CYREN: variants seen among roughly 807,000 people sequenced by gnomAD.
CYREN encodes the protein cell cycle regulator of non-homologous end joining.
A neutral mutation model predicts 9.7 loss-of-function variants in CYREN; 7 were observed. The observed-to-expected ratio is 0.72, with a 90% CI of 0.41 to 1.36. The LOEUF is 1.36. Among genes scored for constraint, CYREN ranks in the 40% most tolerant of loss-of-function variants. The pLI is 0.01. For missense variants in CYREN, 215 were observed against 198.1 expected, an observed-to-expected ratio of 1.09 and a Z score of -0.51; for synonymous variants, 76 against 77.9, an observed-to-expected ratio of 0.98 and a Z score of 0.13.
chr7:135,127,870 G>GCA (rs1255966016), intron 2 of CYREN, among the ~76,000 whole-genome samples: 1 of 152,092 alleles, frequency 6.6e-6, no homozygotes, highest in Non-Finnish European at 1.5e-5. Context: ...AAAGACACAT[G>GCA]CACACATATG....
At chr7:135,129,794 C>T (rs1828471114) in intron 2 of CYREN, 1 of 565,480 alleles carries the variant, frequency 1.8e-6, no homozygotes, top group Admixed American at 2.6e-5. Flanking sequence ...CTCATTCAGT[C>T]TTCCTGTGTA....
At chr7:135,099,689 A>G (rs1266117330) in intron 2 of CYREN, among the ~76,000 whole-genome samples, 1 of 152,092 alleles carries the variant, frequency 6.6e-6, no homozygotes, top group African/African-American at 2.4e-5. Flanking sequence ...TTGGATAACC[A>G]TTGCTAATCA....
chr7:135,129,391 T>TG, intron 2 of CYREN: 2 of 833,086 alleles, frequency 2.4e-6, no homozygotes, highest in Non-Finnish European at 4.3e-6. Flanking sequence ...AAAAGACTTT[T>TG]GGAACAAAGG....
chr7:135,164,825 A>C (rs2288237), downstream of CYREN: 813,396 of 1,613,762 alleles, frequency 0.5, 208,685 homozygotes, highest in South Asian at 0.65. Flanking sequence ...TGCTGCTGGC[A>C]GGCGGCCTGG....
At chr7:135,096,781 A>AAGAAAGAAAG (rs1159353840) in intron 2 of CYREN, among the ~76,000 whole-genome samples, 1 of 151,304 alleles carries the variant, frequency 6.6e-6, no homozygotes, top group Non-Finnish European at 1.5e-5. Context: ...GAAAGAAAGA[A>AAGAAAGAAAG]AGAAAGAAAG....
chr7:135,164,999 A>G (rs755357266), downstream of CYREN: 32 of 1,577,576 alleles, frequency 2.0e-5, no homozygotes, highest in Admixed American at 1.8e-4. Context: ...AGAGCTGCTA[A>G]AGGCTTACGT....
chr7:135,164,891 G>A, downstream of CYREN: 1 of 1,614,250 alleles, frequency 6.2e-7, no homozygotes, highest in Non-Finnish European at 8.5e-7. Context: ...CGGGGCCTGG[G>A]TTTCTAGCTC....
At chr7:135,171,770 G>A (rs994261742), upstream of CYREN, among the ~76,000 whole-genome samples, 1 of 129,216 alleles carries the variant, frequency 7.7e-6, no homozygotes, top group Admixed American at 8.1e-5. Context: ...AGGAAGCGAG[G>A]TGACTGACAA....
chr7:135,167,000 CAT>C, intron 3 of CYREN, 129 bp from the exon 4 acceptor site: 7 of 1,492,710 alleles, frequency 4.7e-6, no homozygotes, highest in Non-Finnish European at 6.2e-6. Flanking sequence ...GCAATGTACC[CAT>C]ATCCTGAGCA....
chr7:135,128,320 C>CA, intron 2 of CYREN: 1 of 77,926 alleles, frequency 1.3e-5, no homozygotes, highest in African/African-American at 5.8e-5. Flanking sequence ...AAAAAAAAAA[C>CA]GAAAAAAAAA....
chr7:135,094,300 T>G (rs1212004827), exon 3 of CYREN: 1 of 448,538 alleles, frequency 2.2e-6, no homozygotes, highest in Admixed American at 2.4e-5. Flanking sequence ...ATCAGAGAAC[T>G]GAGGCTGACA....
At chr7:135,167,879 A>G in intron 2 of CYREN, 72 bp from the exon 3 acceptor site, 1 of 1,606,372 alleles carries the variant, frequency 6.2e-7, no homozygotes, top group Non-Finnish European at 8.5e-7. Flanking sequence ...GAACAGGAGA[A>G]GCAGGGCCTC....
chr7:135,109,042 T>C (rs1825207916), intron 2 of CYREN, among the ~76,000 whole-genome samples: 1 of 140,612 alleles, frequency 7.1e-6, no homozygotes, highest in Non-Finnish European at 1.6e-5. Context: ...TAAGATCAGT[T>C]AGGTTCTTTT....
intron 2 of CYREN, among the ~76,000 whole-genome samples, chr7:135,113,817 C>T (rs180848226): frequency 4.6e-5 from 7 of 152,112 alleles, no homozygotes; most frequent in African/African-American, 1.7e-4. Context: ...AATTCTCCCT[C>T]CCCCCAGCAC....
chr7:135,166,623 G>A lies in CYREN; in HGVS notation c.462C>T (p.Ile154=), dbSNP rs758676252. ...CACAGTTTATGCCCTAGCTGAAAAA[G>A]ATCTCCCGGACGTATTTCAGCACAT... ...EEDVLKYVRE[I]FFS Residue 154 remains isoleucine, a synonymous_variant, in exon 4 of 4, where the codon ATC becomes ATT. Transcript: ENST00000393114. 1.6e-5 allele frequency: 25 copies of A among 1,596,174 alleles called. No individual in the cohort carries two copies. In the East Asian group the frequency reaches 5.6e-4, roughly 36 times the overall value.
At chr7:135,094,185 C>A (rs1185713613) in exon 3 of CYREN, 1 of 349,814 alleles carries the variant, frequency 2.9e-6, no homozygotes. Flanking sequence ...AATAAGGGGC[C>A]TTCTCGTTTT....
At chr7:135,165,023 CA>C, downstream of CYREN, 1 of 1,541,164 alleles carries the variant, frequency 6.5e-7, no homozygotes, top group African/African-American at 1.4e-5. Context: ...TGCAAGGGTT[CA>C]GTTCCAACCA....
In CYREN at chr7:135,134,988, A is replaced by G. The variant is rs766890067; in HGVS notation, n.356+33761T>C. 9 of 1,551,136 alleles carry G rather than the reference A, an allele frequency of 5.8e-6. No homozygotes were observed. In the Admixed American group the frequency reaches 1.2e-4, roughly 20 times the overall value. ...AGCCCCACAGGTCATTGGAAAGTTT[A>G]TCACCTCTCAAAGGCCCCAAGAAGA... On this transcript the variant is annotated intron_variant and non_coding_transcript_variant, in intron 2 of 2. Transcript: ENST00000459937.
chr7:135,164,670 C>A (rs145562868), downstream of CYREN: 18 of 1,613,502 alleles, frequency 1.1e-5, no homozygotes, highest in Non-Finnish European at 1.5e-5. Flanking sequence ...GGGGGTGCCT[C>A]GGGTTGGCCT....
Sources: gnomAD v4.1 joint callset for allele counts (sites outside exome capture counted in the v4.1 genomes callset) on GRCh38, gnomAD v4.1.1 for gene constraint, MANE v1.5 for transcripts, NCBI Gene and HGNC (gene_info 2026-07-23, HGNC 2026-07-21) for gene names.